QKI: variants seen among roughly 807,000 people sequenced by gnomAD.
The protein encoded by QKI is QKI, KH domain containing RNA binding.
QKI carries 10 observed loss-of-function variants against 39.0 expected under a neutral mutation model. That is an observed-to-expected ratio of 0.26 (90% CI 0.16 to 0.43). QKI has a LOEUF of 0.43. QKI is among the 20% of genes least tolerant of loss of function. The pLI is 1.00. For synonymous variants in QKI, 204 were observed against 155.4 expected (o/e 1.31, Z -2.33); for missense variants, 218 against 428.0 (o/e 0.51, Z 4.33).
At chr6:163,441,132 C>A (rs997720283) in intron 1 of QKI, among the ~76,000 whole-genome samples, 1 of 151,824 alleles carries the variant, frequency 6.6e-6, no homozygotes, top group Non-Finnish European at 1.5e-5. Context: ...CGGTTTTTTT[C>A]TTAAAGCCAA....
In QKI at chr6:163,462,443, T is replaced by C. The variant is rs117316352; in HGVS notation, c.285+7022T>C. Among the ~76,000 whole-genome samples the C allele has an allele frequency of 3.4e-4, 52 of 152,348 alleles. 1 individual carries two copies. The East Asian group carries it at 9.5e-3, about 28-fold the overall frequency. Reference sequence around the variant, plus strand: ...GGCATCTACTTGTTTCATATTGGTATAATATTTTCTTTATTATTTGGTAGG... The same window carrying C: ...GGCATCTACTTGTTTCATATTGGTACAATATTTTCTTTATTATTTGGTAGG... On this transcript the variant is annotated intron_variant, in intron 2 of 7. Coordinates refer to ENST00000361752, the MANE Select transcript of QKI (RefSeq NM_006775.3).
intron 5 of QKI, 40 bp downstream of exon 5, chr6:163,562,109 C>T (rs371174178): frequency 1.5e-5 from 23 of 1,499,072 alleles, no homozygotes; most frequent in Admixed American, 8.0e-5. Flanking sequence ...CTGCTGTCTG[C>T]GTTGTTTTGT....
chr6:163,487,356 T>A (rs1744928), intron 3 of QKI, among the ~76,000 whole-genome samples: 5 of 151,856 alleles, frequency 3.3e-5, no homozygotes, highest in African/African-American at 9.7e-5. Context: ...TATTTTAGAA[T>A]CAAATTCAGA....
intron 3 of QKI, among the ~76,000 whole-genome samples, chr6:163,513,343 A>G (rs941531982): frequency 2.6e-5 from 4 of 152,214 alleles, no homozygotes; most frequent in Admixed American, 1.3e-4. Context: ...ACTTGATTGT[A>G]ATTATTTTAT....
At chr6:163,568,961 G>T in intron 7 of QKI, 1 of 986,012 alleles carries the variant, frequency 1.0e-6, no homozygotes, top group East Asian at 1.1e-4. Flanking sequence ...CACTCACTTC[G>T]TTTATATATT....
intron 7 of QKI, 163 bp downstream of exon 7, chr6:163,566,958 T>A (rs1783400508): frequency 2.2e-6 from 3 of 1,388,444 alleles, no homozygotes. Context: ...GGTTGGGTTT[T>A]TTGTTTTGGT....
chr6:163,511,010 CAG>C (rs1203629983), intron 3 of QKI, among the ~76,000 whole-genome samples: 2 of 152,126 alleles, frequency 1.3e-5, no homozygotes, highest in African/African-American at 4.8e-5. Flanking sequence ...TTCACCAAAA[CAG>C]AGCATGCTGG....
At chr6:163,495,469 T>G (rs1451691091) in intron 3 of QKI, among the ~76,000 whole-genome samples, 3 of 152,194 alleles carry the variant, frequency 2.0e-5, no homozygotes, top group Non-Finnish European at 4.4e-5. Flanking sequence ...TGAGAGCAAC[T>G]TGCAGACATT....
chr6:163,436,072 C>T (rs542786321), intron 1 of QKI, among the ~76,000 whole-genome samples: 3 of 152,050 alleles, frequency 2.0e-5, no homozygotes, highest in Non-Finnish European at 2.9e-5. Context: ...TGTTCTGTCC[C>T]GCAGTATACA....
chr6:163,414,999 A>C lies in QKI; in HGVS notation c.-195A>C. On this transcript the variant is annotated 5_prime_UTR_variant, in exon 1 of 8. Coordinates refer to ENST00000361752, the MANE Select transcript of QKI (RefSeq NM_006775.3). ...CTGGGAGCGCGTCGGGCCCGGGCGG[A>C]AAGTGCCTGCGGGGGGCGGGCGAGC... 2.7e-6 allele frequency: 1 copy of C among 369,112 alleles called. No homozygotes were observed. The highest frequency in any genetic ancestry group is 3.7e-6 in the Non-Finnish European group (1 of 270,662). The allele number at this position is 369,112 out of a possible 1,614,324, so 22.9% of individuals were successfully genotyped here.
intron 5 of QKI, 50 bp downstream of exon 5, chr6:163,562,119 T>C (rs1431957028): frequency 1.4e-6 from 2 of 1,416,186 alleles, no homozygotes; most frequent in Non-Finnish European, 1.9e-6. Context: ...CGTTGTTTTG[T>C]CTACAGACTT....
chr6:163,556,160 C>T (rs1325510281), intron 4 of QKI, among the ~76,000 whole-genome samples: 1 of 152,144 alleles, frequency 6.6e-6, no homozygotes, highest in Non-Finnish European at 1.5e-5. Context: ...AAAAGTTGAA[C>T]AATGTATAAA....
chr6:163,566,267 A>C (rs766017332), intron 6 of QKI: 50 of 1,241,956 alleles, frequency 4.0e-5, no homozygotes, highest in Non-Finnish European at 1.8e-5. Flanking sequence ...TCAGAGTTTA[A>C]AACCACAATC....
rs548517069 is a variant in QKI, at chr6:163,480,171, T to C, written c.402+1275T>C. ...TTTTGAATTTCTATTCTTGTAAAAA[T>C]TGGCGGATTTAAAAAAATAGATTTT... On this transcript the variant is annotated intron_variant, in intron 3 of 7. Coordinates refer to ENST00000361752, the MANE Select transcript of QKI (RefSeq NM_006775.3). Among the ~76,000 whole-genome samples the C allele has an allele frequency of 6.6e-5, 10 of 152,324 alleles. No individual in the cohort carries two copies. The South Asian group carries it at 1.9e-3, about 28-fold the overall frequency.
intron 1 of QKI, among the ~76,000 whole-genome samples, chr6:163,452,348 A>G (rs1790632573): frequency 6.6e-6 from 1 of 152,126 alleles, no homozygotes; most frequent in African/African-American, 2.4e-5. Context: ...TTATACATTA[A>G]TTTGTGTTCT....
In QKI at chr6:163,415,349, G is replaced by GGGCCCC. The variant is rs755857142; in HGVS notation, c.142+26_142+31dup. On this transcript the variant is annotated intron_variant, in intron 1 of 7. Transcript: ENST00000361752. ...TGCTGGACGAAGGTGAGCGTCTCCA[G>GGGCCCC]GGCCCCGGCCCCGGCCCGACCCCCG... The GGGCCCC allele has an allele frequency of 9.4e-5, 149 of 1,579,844 alleles. No individual in the cohort carries two copies. The highest frequency in any genetic ancestry group is 1.1e-4 in the Non-Finnish European group (124 of 1,159,014).
At chr6:163,503,137 A>ATT (rs57383986) in intron 3 of QKI, among the ~76,000 whole-genome samples, 34 of 100,030 alleles carry the variant, frequency 3.4e-4, no homozygotes, top group African/African-American at 1.0e-3. Flanking sequence ...GGCCCCTTGT[A>ATT]TTTTTTTTTT....
At chr6:163,441,463 C>T (rs765847603) in intron 1 of QKI, among the ~76,000 whole-genome samples, 1 of 152,024 alleles carries the variant, frequency 6.6e-6, no homozygotes, top group South Asian at 2.1e-4. Flanking sequence ...TGTTTTTTCT[C>T]CAAGGATGTA....
At position 163,572,205 on chromosome 6, in the gene QKI, TCA is replaced by T. The variant is rs1185109530; in HGVS notation, c.*1496_*1497del. 6.6e-6 allele frequency: 1 copy of T among 152,236 alleles called. No homozygotes were observed. Among genetic ancestry groups the T allele is most frequent in the Non-Finnish European group, 1.5e-5 (1 of 68,028 alleles). 9.4% of individuals were successfully genotyped at this position (152,236 alleles called of 1,614,324 possible). Reference sequence around the variant, plus strand: ...ATAAAAATTATGTGTCATCTAAACTTCAGTTTACAGACAAAATTAGAGCTTTG... The same window carrying T: ...ATAAAAATTATGTGTCATCTAAACTTGTTTACAGACAAAATTAGAGCTTTG... On this transcript the variant is annotated 3_prime_UTR_variant, in exon 8 of 8. Coordinates refer to ENST00000361752, the MANE Select transcript of QKI (RefSeq NM_006775.3).
Sources: allele counts gnomAD v4.1 joint callset (sites outside exome capture counted in the v4.1 genomes callset), GRCh38; gene constraint gnomAD v4.1.1; transcripts MANE v1.5; gene names NCBI Gene and HGNC (gene_info 2026-07-23, HGNC 2026-07-21).